NCAPD3: variants seen among roughly 807,000 people sequenced by gnomAD.
NCAPD3 encodes the protein condensin-2 complex subunit D3.
A neutral mutation model predicts 182.9 loss-of-function variants in NCAPD3; 105 were observed. That is an observed-to-expected ratio of 0.57 (90% CI 0.49 to 0.68). The LOEUF (loss-of-function observed/expected upper bound fraction) is 0.68. NCAPD3 is among the 30% of genes least tolerant of loss of function. The pLI is 0.00. For missense variants in NCAPD3, 1,944 were observed against 1,837.0 expected, an observed-to-expected ratio of 1.06 and a Z score of -1.07; for synonymous variants, 815 against 679.9, an observed-to-expected ratio of 1.20 and a Z score of -3.09.
chr11:134,153,329 G>A lies in NCAPD3; in HGVS notation c.4287C>T (p.Val1429=), dbSNP rs781676358. The change falls in exon 33 of 35, where the codon GTC becomes GTT. Residue 1429 remains valine (V), a synonymous_variant. Coordinates refer to ENST00000534548, the MANE Select transcript of NCAPD3 (RefSeq NM_015261.3). ...SISDVTFGAG[V]SYIGTPRTPS... is the part of the protein sequence containing the mutation. ...GAGTCCGTGGTGTCCCGATGTAACT[G>A]ACCCCTGCTCCAAACGTGACATCAC... 6.2e-7 allele frequency: 1 copy of A among 1,614,126 alleles called. No homozygotes were observed. Among genetic ancestry groups the A allele is most frequent in the African/African-American group, 1.3e-5 (1 of 75,036 alleles).
At chr11:134,219,142 G>A (rs1158730904) in intron 2 of NCAPD3, among the ~76,000 whole-genome samples, 6 of 152,174 alleles carry the variant, frequency 3.9e-5, no homozygotes, top group Admixed American at 2.0e-4. Context: ...CACTTCCTGC[G>A]TGTTCCCATT....
chr11:134,197,461 G>C (rs1944657553), intron 13 of NCAPD3, among the ~76,000 whole-genome samples: 1 of 152,008 alleles, frequency 6.6e-6, no homozygotes, highest in South Asian at 2.1e-4. Flanking sequence ...ATTTTTGGTA[G>C]AGATGGGGTT....
intron 11 of NCAPD3, 55 bp from the exon 12 acceptor site, chr11:134,203,253 T>C (rs80262732): frequency 7.9e-7 from 1 of 1,260,526 alleles, no homozygotes; most frequent in Non-Finnish European, 1.2e-6. Context: ...AACTGAGTAA[T>C]TATCCACGGA....
At chr11:134,216,862 A>G in intron 3 of NCAPD3, 74 bp downstream of exon 3, 3 of 1,434,406 alleles carry the variant, frequency 2.1e-6, no homozygotes, top group South Asian at 2.9e-5. Flanking sequence ...AACAAGAAAC[A>G]AAGTATAAGA....
chr11:134,177,508 C>A (rs1230551566), intron 22 of NCAPD3, 51 bp from the exon 23 acceptor site: 2 of 1,523,916 alleles, frequency 1.3e-6, no homozygotes, highest in Non-Finnish European at 1.8e-6. Flanking sequence ...ATCCTAATTC[C>A]ATTCCTAAAT....
chr11:134,160,611 C>G (rs1943550510), intron 28 of NCAPD3, among the ~76,000 whole-genome samples: 1 of 152,158 alleles, frequency 6.6e-6, no homozygotes, highest in South Asian at 2.1e-4. Flanking sequence ...TACAGAAAAC[C>G]TTTTCTCATA....
intron 13 of NCAPD3, 25 bp downstream of exon 13, chr11:134,202,791 C>A: frequency 1.3e-6 from 2 of 1,520,808 alleles, no homozygotes; most frequent in Non-Finnish European, 1.8e-6. Flanking sequence ...TATTACCTAT[C>A]TGACAGTGAT....
At chr11:134,170,375 G>A (rs953152507) in intron 24 of NCAPD3, among the ~76,000 whole-genome samples, 6 of 152,124 alleles carry the variant, frequency 3.9e-5, no homozygotes, top group Admixed American at 2.6e-4. Context: ...AAAGGCAAAG[G>A]TCACAGCATC....
At chr11:134,196,569 T>A (rs951518794) in intron 13 of NCAPD3, among the ~76,000 whole-genome samples, 15 of 144,756 alleles carry the variant, frequency 1.0e-4, no homozygotes, top group African/African-American at 3.9e-4. Context: ...TTGCTTGAGC[T>A]GGGAGGCAGA....
intron 27 of NCAPD3, among the ~76,000 whole-genome samples, chr11:134,163,560 C>T (rs632615): frequency 2.0e-4 from 31 of 151,944 alleles, no homozygotes; most frequent in African/African-American, 3.9e-4. Flanking sequence ...ACTAGCCGGC[C>T]GTGGTGGCTG....
At chr11:134,195,169 T>C (rs907433487) in intron 13 of NCAPD3, among the ~76,000 whole-genome samples, 3 of 152,214 alleles carry the variant, frequency 2.0e-5, no homozygotes, top group Non-Finnish European at 4.4e-5. Context: ...GGTACAATCA[T>C]AGCTCACCGC....
In NCAPD3 at chr11:134,193,378, T is replaced by TG. The variant is rs1452910661; in HGVS notation, c.1825-470dup. On this transcript the variant is annotated intron_variant, in intron 15 of 34. Transcript: ENST00000534548. ...CTTTTTTGGCAATATCATCTATCTA[T>TG]GCCCTAATTGACTAAATTTAATCTA... 2.6e-5 allele frequency among the ~76,000 whole-genome samples: 4 copies of TG among 152,362 alleles called. No homozygotes were observed. In the East Asian group the frequency reaches 5.8e-4, roughly 22 times the overall value.
At chr11:134,181,375 T>C (rs1944293384) in intron 19 of NCAPD3, among the ~76,000 whole-genome samples, 191 bp from the exon 20 acceptor site, 2 of 152,218 alleles carry the variant, frequency 1.3e-5, no homozygotes, top group Non-Finnish European at 2.9e-5. Context: ...CCATGAGTAC[T>C]GGCTAAGTGG....
intron 1 of NCAPD3, among the ~76,000 whole-genome samples, chr11:134,222,257 GGAA>G (rs1938258640): frequency 6.6e-6 from 1 of 152,166 alleles, no homozygotes; most frequent in African/African-American, 2.4e-5. Context: ...CACTTAGGAT[GGAA>G]GAAGAGGAAG....
At chr11:134,185,636 T>A (rs1944388994) in intron 16 of NCAPD3, 110 bp from the exon 17 acceptor site, 3 of 843,344 alleles carry the variant, frequency 3.6e-6, no homozygotes, top group Non-Finnish European at 5.3e-6. Flanking sequence ...AGGACTCAAG[T>A]GGCACATGAA....
chr11:134,203,789 C>T lies in NCAPD3; in HGVS notation c.1333G>A (p.Val445Met). 1 of 1,614,166 alleles carries T rather than the reference C, an allele frequency of 6.2e-7. No homozygotes were observed. The highest frequency in any genetic ancestry group is 8.5e-7 in the Non-Finnish European group (1 of 1,180,034). Residue 445 changes from valine (V) to methionine (M), a missense_variant, in exon 11 of 35, where the codon GTG becomes ATG. By Grantham distance (21) the Val-to-Met change is conservative. This residue lies in a region of NCAPD3 where 1,803 missense variants were observed against 1,674.6 expected (regional missense o/e 1.08). Coordinates refer to ENST00000534548, the MANE Select transcript of NCAPD3 (RefSeq NM_015261.3). The stretch of plus-strand genomic sequence containing the variant: ...CAACGATCAAACATAATTTCCTGCA[C>T]CAGGAACTTATGCTTTAAGAACTTC... ...HQKFLKHKFL[V>M]QEIMFDRCLD...
At chr11:134,213,400 A>C (rs1460334159) in intron 3 of NCAPD3, among the ~76,000 whole-genome samples, 1 of 151,110 alleles carries the variant, frequency 6.6e-6, no homozygotes, top group Non-Finnish European at 1.5e-5. Flanking sequence ...ACTCACTGCA[A>C]CCTCTACTGC....
intron 23 of NCAPD3, 114 bp downstream of exon 23, chr11:134,177,105 C>T (rs1391751216): frequency 3.8e-6 from 3 of 793,632 alleles, no homozygotes; most frequent in Admixed American, 4.3e-5. Context: ...AGAGATGAGA[C>T]AATTATTTTT....
In NCAPD3 at chr11:134,157,092, G is replaced by C. The variant is rs762142510; in HGVS notation, c.4178C>G (p.Ser1393Cys). The change falls in exon 32 of 35, where the codon TCT (serine) becomes TGT (cysteine). Residue 1393 changes from serine to cysteine, a missense_variant. Ser to Cys is a moderately radical substitution (Grantham distance 112). Around this residue, in one of 3 missense-constraint regions of NCAPD3, gnomAD observed 1,803 missense variants for 1,674.6 expected, o/e 1.08. Coordinates refer to ENST00000534548, the MANE Select transcript of NCAPD3 (RefSeq NM_015261.3). ...CGACTCTTGCTCCAAACTGTATGAA[G>C]ACACTAGAACAGAAAAGGTGCTGCT... ...GSPEKTCSQV[S>C]SYSLEQESNG... 1 of 1,612,300 alleles carries C rather than the reference G, an allele frequency of 6.2e-7. No homozygotes were observed. Among genetic ancestry groups the C allele is most frequent in the African/African-American group, 1.3e-5 (1 of 74,918 alleles).
Sources: gnomAD v4.1 joint callset for allele counts (sites outside exome capture counted in the v4.1 genomes callset) on GRCh38, gnomAD v4.1.1 for gene constraint, gnomAD v4.1.1 regional missense constraint, MANE v1.5 for transcripts, NCBI Gene and HGNC (gene_info 2026-07-23, HGNC 2026-07-21) for gene names.